The following MAPK10 variants were observed in gnomAD, a reference collection of about 807,000 sequenced individuals.
MAPK10 encodes mitogen-activated protein kinase 10.
Under a neutral mutation model 59.3 loss-of-function variants are expected in MAPK10, and 25 were observed. The observed-to-expected ratio is 0.42, with a 90% CI of 0.31 to 0.59. The LOEUF (loss-of-function observed/expected upper bound fraction) is 0.59. Ranked by LOEUF, MAPK10 falls within the 20% of genes least tolerant of loss-of-function variation. The probability of loss-of-function intolerance (pLI) is 0.15; values close to 1 mark genes in which losing one functional copy is unlikely to be tolerated. For synonymous variants in MAPK10, 190 were observed against 200.5 expected, an observed-to-expected ratio of 0.95 and a Z score of 0.44; for missense variants, 351 against 568.9, an observed-to-expected ratio of 0.62 and a Z score of 3.90.
At chr4:86,441,613 C>G (rs1033883487) in intron 1 of MAPK10, among the ~76,000 whole-genome samples, 5 of 152,110 alleles carry the variant, frequency 3.3e-5, no homozygotes, top group Admixed American at 1.3e-4. Flanking sequence ...AGGTATTTTC[C>G]AAGTCATTCA....
intron 1 of MAPK10, among the ~76,000 whole-genome samples, chr4:86,359,278 C>CTGTGTGTG: frequency 7.3e-6 from 1 of 137,070 alleles, no homozygotes; most frequent in African/African-American, 2.9e-5. Context: ...CTCTCTCTCT[C>CTGTGTGTG]TCTCTCTCTC....
chr4:86,149,464 G>A (rs1459091787), intron 4 of MAPK10, among the ~76,000 whole-genome samples: 4 of 151,906 alleles, frequency 2.6e-5, no homozygotes, highest in Admixed American at 6.6e-5. Flanking sequence ...AACAGGTTTC[G>A]CCATGATAGC....
intron 2 of MAPK10, among the ~76,000 whole-genome samples, chr4:86,306,742 T>C (rs2095575006): frequency 6.6e-6 from 1 of 152,172 alleles, no homozygotes; most frequent in African/African-American, 2.4e-5. Flanking sequence ...TGCTGTTCAC[T>C]TGGGAAAATT....
chr4:86,239,695 T>C (rs1259436577), intron 2 of MAPK10, among the ~76,000 whole-genome samples: 1 of 152,038 alleles, frequency 6.6e-6, no homozygotes, highest in African/African-American at 2.4e-5. Context: ...AGTGGCGATA[T>C]CCTCTTTATC....
chr4:86,154,791 A>C lies in MAPK10; in HGVS notation c.236+4507T>G, dbSNP rs560848018. 2.6e-5 allele frequency among the ~76,000 whole-genome samples: 4 copies of C among 152,232 alleles called. No individual in the cohort carries two copies. In the East Asian group the frequency reaches 7.7e-4, roughly 29 times the overall value. On this transcript the variant is annotated intron_variant, in intron 4 of 13. Transcript: ENST00000641462. ...TCGGCATAAGTTTATTTGTAACTAT[A>C]ATTACTAAAGATGATAATATAAGGT...
intron 1 of MAPK10, among the ~76,000 whole-genome samples, chr4:86,439,715 G>A (rs920103114): frequency 9.2e-5 from 14 of 152,180 alleles, no homozygotes; most frequent in African/African-American, 3.1e-4. Flanking sequence ...TACCAGCAAC[G>A]TGTGAGAGTT....
rs149515185 is a variant in MAPK10, at chr4:86,504,145, T to C, written c.-263+89765A>G. Among the ~76,000 whole-genome samples, 1,082 of 152,312 alleles carry C rather than the reference T, an allele frequency of 7.1e-3. 10 individuals carry two copies. The highest frequency in any genetic ancestry group is 0.023 in the African/African-American group (976 of 41,578). On this transcript the variant is annotated intron_variant, in intron 1 of 4. Coordinates refer to the MAPK10 transcript ENST00000502302. ...ATAGTTATTTGTGTAATATTTTTTATTGTCTGTCTCTTCTCACTAAAATAT... is the reference window on the plus strand; with the variant it reads ...ATAGTTATTTGTGTAATATTTTTTACTGTCTGTCTCTTCTCACTAAAATAT...
intron 2 of MAPK10, among the ~76,000 whole-genome samples, chr4:86,331,186 T>G (rs2096143990): frequency 6.6e-6 from 1 of 152,104 alleles, no homozygotes; most frequent in South Asian, 2.1e-4. Flanking sequence ...CTCTCAAGCT[T>G]GACTTAAACC....
At chr4:86,386,240 G>A (rs761087792) in intron 1 of MAPK10, among the ~76,000 whole-genome samples, 2 of 152,268 alleles carry the variant, frequency 1.3e-5, no homozygotes, top group African/African-American at 2.4e-5. Flanking sequence ...GATACGATTC[G>A]CTAAGCATAC....
intron 1 of MAPK10, among the ~76,000 whole-genome samples, chr4:86,401,599 T>G (rs1743736502): frequency 6.6e-6 from 1 of 152,212 alleles, no homozygotes; most frequent in South Asian, 2.1e-4. Context: ...CTTTTTACTT[T>G]GGCCACCTGG....
intron 2 of MAPK10, among the ~76,000 whole-genome samples, chr4:86,341,436 A>G (rs1388874045): frequency 6.6e-6 from 1 of 152,202 alleles, no homozygotes; most frequent in Admixed American, 6.5e-5. Flanking sequence ...AGAAAAGAAT[A>G]AATACATGAG....
At chr4:86,269,306 G>A (rs1260763406) in intron 2 of MAPK10, among the ~76,000 whole-genome samples, 1 of 152,074 alleles carries the variant, frequency 6.6e-6, no homozygotes, top group Non-Finnish European at 1.5e-5. Flanking sequence ...ACTCCTTAAT[G>A]TTTTTGGTTT....
At chr4:86,477,537 A>T (rs1753202076) in intron 1 of MAPK10, among the ~76,000 whole-genome samples, 1 of 151,948 alleles carries the variant, frequency 6.6e-6, no homozygotes, top group African/African-American at 2.4e-5. Context: ...CTACCATCTC[A>T]TTACAACCTA....
intron 2 of MAPK10, among the ~76,000 whole-genome samples, chr4:86,232,531 G>T (rs544868239): frequency 6.6e-6 from 1 of 151,980 alleles, no homozygotes; most frequent in Non-Finnish European, 1.5e-5. Flanking sequence ...TCACCACCAC[G>T]CCCAGCTAAT....
intron 2 of MAPK10, among the ~76,000 whole-genome samples, chr4:86,334,747 A>T (rs1304252490): frequency 3.2e-5 from 2 of 61,762 alleles, no homozygotes; most frequent in African/African-American, 9.6e-5. Context: ...TATGCTCATT[A>T]AAAAAACAAC....
In MAPK10 at chr4:86,252,229, G is replaced by A. The variant is rs1454375415; in HGVS notation, c.-6-57822C>T. Among the ~76,000 whole-genome samples the A allele has an allele frequency of 1.6e-5, 2 of 125,938 alleles. 1 individual carries two copies. Among genetic ancestry groups the A allele is most frequent in the Non-Finnish European group, 3.1e-5 (2 of 64,012 alleles). 82.6% of individuals were successfully genotyped at this position (125,938 alleles called of 152,430 possible). ...TGGTTGCCATTGCTTTTGGTGTTTT[G>A]GACATGAAGTCCTTGCCCACGCCTA... On this transcript the variant is annotated intron_variant, in intron 2 of 13. Transcript: ENST00000641462.
chr4:86,467,727 C>CA (rs1330091058), intron 1 of MAPK10, among the ~76,000 whole-genome samples: 3 of 152,176 alleles, frequency 2.0e-5, no homozygotes, highest in Non-Finnish European at 4.4e-5. Flanking sequence ...ACCACGTTGG[C>CA]CAGGATGGTC....
chr4:86,295,032 C>G (rs1309523200), intron 2 of MAPK10, among the ~76,000 whole-genome samples: 1 of 152,152 alleles, frequency 6.6e-6, no homozygotes, highest in African/African-American at 2.4e-5. Flanking sequence ...TCGCATGGTA[C>G]AGCTAAATAA....
At chr4:86,560,199 T>C (rs1760567947) in intron 1 of MAPK10, among the ~76,000 whole-genome samples, 1 of 152,184 alleles carries the variant, frequency 6.6e-6, no homozygotes, top group Non-Finnish European at 1.5e-5. Flanking sequence ...AAACGCACTT[T>C]AACGAAAATG....
Sources: gnomAD v4.1 joint callset for allele counts (sites outside exome capture counted in the v4.1 genomes callset) on GRCh38, gnomAD v4.1.1 for gene constraint, MANE v1.5 for transcripts, NCBI Gene and HGNC (gene_info 2026-07-23, HGNC 2026-07-21) for gene names.